Variants in KIF15 observed in about 807,000 individuals in gnomAD.
KIF15 encodes kinesin family member 15, also known as kinesin-like protein KIF15.
KIF15 carries 140 observed loss-of-function variants against 190.6 expected under a neutral mutation model. The observed-to-expected ratio is 0.73, with a 90% CI of 0.64 to 0.84. The LOEUF is 0.84. Ranked by LOEUF, KIF15 falls within the 40% of genes least tolerant of loss-of-function variation. The pLI, the probability that KIF15 is intolerant of heterozygous loss-of-function variation, is 0.00. For missense variants in KIF15, 1,372 were observed against 1,584.4 expected (o/e 0.87, Z 2.28); for synonymous variants, 528 against 551.3 (o/e 0.96, Z 0.59).
chr3:44,849,969 A>G (rs575629090), intron 32 of KIF15, among the ~76,000 whole-genome samples: 4 of 152,286 alleles, frequency 2.6e-5, no homozygotes, highest in African/African-American at 9.6e-5. Context: ...TTTCTGTTGT[A>G]CTTCTCAAAT....
chr3:44,860,885 G>A (rs971103990), intron 6 of KIF15, among the ~76,000 whole-genome samples: 25 of 152,258 alleles, frequency 1.6e-4, no homozygotes, highest in Admixed American at 2.6e-4. Context: ...TAGACATATA[G>A]AAAAATGCTC....
chr3:44,795,311 T>C (rs1304356756), intron 8 of KIF15, among the ~76,000 whole-genome samples: 1 of 152,092 alleles, frequency 6.6e-6, no homozygotes, highest in African/African-American at 2.4e-5. Flanking sequence ...TCAAGGGTTA[T>C]TGTGGATGCA....
intron 20 of KIF15, among the ~76,000 whole-genome samples, chr3:44,817,961 C>T (rs762208733): frequency 8.5e-5 from 13 of 152,092 alleles, no homozygotes; most frequent in African/African-American, 3.1e-4. Flanking sequence ...CCTTCACATC[C>T]CTTGTAAGTT....
chr3:44,801,263 A>T (rs1707265195), intron 11 of KIF15, among the ~76,000 whole-genome samples, 187 bp from the exon 12 acceptor site: 1 of 151,722 alleles, frequency 6.6e-6, no homozygotes, highest in African/African-American at 2.4e-5. Flanking sequence ...GCTGACCTCA[A>T]GAAAGATATC....
intron 6 of KIF15, among the ~76,000 whole-genome samples, chr3:44,786,086 G>A (rs1706390425): frequency 6.6e-6 from 1 of 152,098 alleles, no homozygotes; most frequent in Non-Finnish European, 1.5e-5. Flanking sequence ...CGTGGTGGCG[G>A]GCACCTGTAG....
At chr3:44,831,096 A>G (rs1470387154) in intron 26 of KIF15, 78 bp downstream of exon 26, 3 of 1,450,512 alleles carry the variant, frequency 2.1e-6, no homozygotes, top group Admixed American at 4.1e-5. Flanking sequence ...GAAGTTATTA[A>G]TGAATAAATA....
intron 22 of KIF15, 93 bp downstream of exon 22, chr3:44,826,553 A>G (rs1306725383): frequency 2.4e-6 from 2 of 833,472 alleles, no homozygotes; most frequent in African/African-American, 3.5e-5. Context: ...AATACCCTGT[A>G]AAGAGTTATT....
intron 5 of KIF15, among the ~76,000 whole-genome samples, chr3:44,784,273 G>A (rs1201583011): frequency 6.6e-6 from 1 of 152,092 alleles, no homozygotes; most frequent in Non-Finnish European, 1.5e-5. Flanking sequence ...CCAGGTTCAC[G>A]CCATTCTCCT....
At chr3:44,802,747 T>C (rs1707335956) in intron 13 of KIF15, 67 bp from the exon 14 acceptor site, 1 of 1,443,890 alleles carries the variant, frequency 6.9e-7, no homozygotes, top group African/African-American at 1.4e-5. Context: ...AATGGCTTTT[T>C]AGAGGAACTA....
intron 19 of KIF15, among the ~76,000 whole-genome samples, chr3:44,813,629 T>TG (rs1306533697): frequency 8.4e-6 from 1 of 119,420 alleles, no homozygotes; most frequent in Non-Finnish European, 1.8e-5. Context: ...TTGTTTGTTT[T>TG]GTTTTTTTTT....
chr3:44,779,592 T>G (rs1205259716), intron 4 of KIF15, among the ~76,000 whole-genome samples: 1 of 152,110 alleles, frequency 6.6e-6, no homozygotes, highest in African/African-American at 2.4e-5. Flanking sequence ...CCCAGCACTT[T>G]GGGGGGCCGA....
intron 5 of KIF15, among the ~76,000 whole-genome samples, chr3:44,784,544 C>G (rs1023670607): frequency 6.6e-6 from 1 of 152,156 alleles, no homozygotes; most frequent in African/African-American, 2.4e-5. Context: ...AACTCTGCAG[C>G]TTAAGAGGGA....
chr3:44,861,560 G>A (rs1441164941), intron 6 of KIF15, among the ~76,000 whole-genome samples: 1 of 152,194 alleles, frequency 6.6e-6, no homozygotes, highest in Non-Finnish European at 1.5e-5. Context: ...TCGGTGGGCC[G>A]GCGCGGGGCC....
chr3:44,850,008 G>A (rs1458776277), intron 32 of KIF15, among the ~76,000 whole-genome samples: 1 of 151,994 alleles, frequency 6.6e-6, no homozygotes, highest in African/African-American at 2.4e-5. Context: ...AACTCTATTC[G>A]TATTTTCTGC....
rs905711855 is a variant in KIF15, at chr3:44,815,164, A to G, written c.2549+88A>G. 5 of 1,112,322 alleles carry G rather than the reference A, an allele frequency of 4.5e-6. No homozygotes were observed. The Admixed American group carries it at 8.5e-5, about 19-fold the overall frequency. The allele number at this position is 1,112,322 out of a possible 1,614,324, so 68.9% of individuals were successfully genotyped here. On this transcript the variant is annotated intron_variant, in intron 20 of 34. Transcript: ENST00000326047. ...TTGGAAGTGTTATAAACTCAACTCAAAGCAGTTAGACAAATAAAAAAGATA... is the reference window on the plus strand; with the variant it reads ...TTGGAAGTGTTATAAACTCAACTCAGAGCAGTTAGACAAATAAAAAAGATA...
intron 5 of KIF15, among the ~76,000 whole-genome samples, chr3:44,781,727 A>G (rs1706173391): frequency 6.6e-6 from 1 of 152,170 alleles, no homozygotes; most frequent in Non-Finnish European, 1.5e-5. Flanking sequence ...AATTTTAGCC[A>G]TTCTTGAGTA....
chr3:44,797,623 G>T lies in KIF15; in HGVS notation c.922G>T (p.Gly308Ter). The T allele has an allele frequency of 6.2e-7, 1 of 1,614,150 alleles. No individual in the cohort carries two copies. The highest frequency in any genetic ancestry group is 8.5e-7 in the Non-Finnish European group (1 of 1,180,008). Reference sequence around the variant, plus strand: ...TACAGCACTTGTCGACGTGGGTAATGGAAAACAGAGACATGTTTGCTACAG... The same window carrying T: ...TACAGCACTTGTCGACGTGGGTAATTGAAAACAGAGACATGTTTGCTACAG... ...VITALVDVGNGKQRHVCYRDS... is the reference protein window; with the variant it reads ...VITALVDVGN Residue 308 changes from glycine to a stop codon, truncating the protein, a stop_gained, in exon 9 of 35, where the codon GGA (glycine) becomes TGA (stop). Coordinates refer to ENST00000326047, the MANE Select transcript of KIF15 (RefSeq NM_020242.3). LOFTEE classifies it high-confidence loss of function.
At chr3:44,859,558 G>A (rs1283490649) in intron 6 of KIF15, among the ~76,000 whole-genome samples, 1 of 152,194 alleles carries the variant, frequency 6.6e-6, no homozygotes, top group Non-Finnish European at 1.5e-5. Flanking sequence ...TACTCAGGAA[G>A]CTGAAGTGGG....
At chr3:44,858,923 G>A (rs769398319) in intron 6 of KIF15, among the ~76,000 whole-genome samples, 66 of 152,350 alleles carry the variant, frequency 4.3e-4, no homozygotes, top group Non-Finnish European at 8.2e-4. Flanking sequence ...CCTCCAAGGC[G>A]ATCGGGCAGC....
Sources: gnomAD v4.1 joint callset for allele counts (sites outside exome capture counted in the v4.1 genomes callset) on GRCh38, gnomAD v4.1.1 for gene constraint, MANE v1.5 for transcripts, NCBI Gene and HGNC (gene_info 2026-07-23, HGNC 2026-07-21) for gene names.